LAMB1: variants seen among roughly 807,000 people sequenced by gnomAD.
LAMB1 encodes the protein laminin subunit beta 1.
LAMB1 carries 121 observed loss-of-function variants against 222.3 expected under a neutral mutation model. That is an observed-to-expected ratio of 0.54 (90% confidence interval 0.47 to 0.63). The LOEUF is 0.63. LAMB1 is among the 30% of genes least tolerant of loss of function. The probability of loss-of-function intolerance (pLI) is 0.00; values close to 1 mark genes in which losing one functional copy is unlikely to be tolerated. For synonymous variants in LAMB1, 794 were observed against 807.2 expected (o/e 0.98, Z 0.28); for missense variants, 2,172 against 2,240.8 (o/e 0.97, Z 0.62).
At chr7:107,976,367 C>A (rs2033854813) in intron 9 of LAMB1, among the ~76,000 whole-genome samples, 1 of 152,188 alleles carries the variant, frequency 6.6e-6, no homozygotes, top group Admixed American at 6.5e-5. Flanking sequence ...ATTCCCACCA[C>A]CACACCAGGC....
At position 107,935,357 on chromosome 7, in the gene LAMB1, T is replaced by TTG; in HGVS notation, c.4188+57_4188+58insCA. ...GGTTTGTTTTTCTTTGTTTTTTTTTTTTTTTTTTTTTTTTTTGCTTGGCAC... is the reference window on the plus strand; with the variant it reads ...GGTTTGTTTTTCTTTGTTTTTTTTTTTGTTTTTTTTTTTTTTTTGCTTGGCAC... On this transcript the variant is annotated intron_variant, in intron 27 of 33. Coordinates refer to ENST00000222399, the MANE Select transcript of LAMB1 (RefSeq NM_002291.3). 10 of 452,732 alleles carry TTG rather than the reference T, an allele frequency of 2.2e-5. No individual in the cohort carries two copies. The South Asian group carries it at 3.3e-4, about 15-fold the overall frequency. The allele number at this position is 452,732 out of a possible 1,614,324, so 28.0% of individuals were successfully genotyped here. A position where few individuals can be genotyped will look rare whatever the true frequency, so the allele number is the denominator to read the frequency against.
rs753518921 is a variant in LAMB1 at position 107,940,232 on chromosome 7, A to G, written c.3518T>C (p.Phe1173Ser). Residue 1173 changes from phenylalanine (F) to serine (S), a missense_variant, in exon 25 of 34, where the codon TTC (phenylalanine) becomes TCC (serine). Physicochemically the swap from Phe to Ser is radical, Grantham distance 155 (BLOSUM62 -2). Transcript: ENST00000222399. ...CTGGTGGCAGGGTGTGCAGTCAGGG[A>G]AGACCCCCGAGTACCCTCGCGTGCA... is the stretch of plus-strand genomic sequence containing the variant. ...DKCTRGYSGV[F>S]PDCTPCHQCF... The G allele has an allele frequency of 6.2e-7, 1 of 1,614,178 alleles. No individual in the cohort carries two copies. Among genetic ancestry groups the G allele is most frequent in the Non-Finnish European group, 8.5e-7 (1 of 1,180,034 alleles).
chr7:107,962,887 A>T lies in LAMB1; in HGVS notation c.1857+18T>A, dbSNP rs774942704. On this transcript the variant is annotated intron_variant, in intron 15 of 33. Coordinates refer to ENST00000222399, the MANE Select transcript of LAMB1 (RefSeq NM_002291.3). ...TCTCCCCTCCCTCCTCCACCAGTCC[A>T]CTAAGTGGTTTCTTTACCTGTGGCT... 3.1e-6 allele frequency: 5 copies of T among 1,606,908 alleles called. No homozygotes were observed. In the East Asian group the frequency reaches 1.1e-4, roughly 36 times the overall value.
At chr7:107,925,415 T>C (rs1341104165) in intron 32 of LAMB1, among the ~76,000 whole-genome samples, 1 of 152,102 alleles carries the variant, frequency 6.6e-6, no homozygotes, top group Non-Finnish European at 1.5e-5. Context: ...GCACTCCTTA[T>C]GGAATCTAAT....
At chr7:107,993,135 T>C (rs1005685055) in intron 5 of LAMB1, among the ~76,000 whole-genome samples, 2 of 152,188 alleles carry the variant, frequency 1.3e-5, no homozygotes, top group East Asian at 3.9e-4. Context: ...TGATAACTTG[T>C]ACCTATTCTT....
intron 5 of LAMB1, among the ~76,000 whole-genome samples, chr7:107,991,324 C>A (rs2034177282): frequency 6.6e-6 from 1 of 152,140 alleles, no homozygotes; most frequent in African/African-American, 2.4e-5. Context: ...TGGCTCATGC[C>A]TCTTTTGTAT....
intron 13 of LAMB1, 59 bp from the exon 14 acceptor site, chr7:107,964,746 G>A (rs1323542315): frequency 1.3e-6 from 2 of 1,596,592 alleles, no homozygotes; most frequent in Admixed American, 3.4e-5. Flanking sequence ...CAACCCGCCA[G>A]AAGCAGCTCT....
chr7:107,958,974 G>A (rs2033435236), intron 20 of LAMB1, among the ~76,000 whole-genome samples: 4 of 152,198 alleles, frequency 2.6e-5, no homozygotes, highest in Admixed American at 2.6e-4. Context: ...TTTCTATACA[G>A]CCCTATGGTA....
At chr7:107,939,111 A>G (rs1010817465) in intron 25 of LAMB1, among the ~76,000 whole-genome samples, 2 of 152,200 alleles carry the variant, frequency 1.3e-5, no homozygotes, top group Admixed American at 1.3e-4. Context: ...TCTGCAGTGA[A>G]AAAACCATAG....
At chr7:107,929,029 G>A (rs975424574) in intron 31 of LAMB1, 35 bp downstream of exon 31, 8 of 1,598,542 alleles carry the variant, frequency 5.0e-6, no homozygotes, top group Non-Finnish European at 6.9e-6. Flanking sequence ...ATATGTAGGT[G>A]TGTTCCCATT....
chr7:107,972,941 A>G (rs372232140), intron 13 of LAMB1, 51 bp downstream of exon 13: 1 of 1,421,110 alleles, frequency 7.0e-7, no homozygotes, highest in South Asian at 1.1e-5. Flanking sequence ...CCTGTAAGTC[A>G]TGACTTTCCT....
Position 107,975,753 on chromosome 7 carries a change from C to T in LAMB1, c.1125G>A (p.Glu375=). The T allele has an allele frequency of 2.5e-6, 4 of 1,613,980 alleles. No homozygotes were observed. Among genetic ancestry groups the T allele is most frequent in the Non-Finnish European group, 3.4e-6 (4 of 1,180,012 alleles). Residue 375 remains glutamate, a synonymous_variant, in exon 10 of 34, where the codon GAG becomes GAA. Coordinates refer to ENST00000222399, the MANE Select transcript of LAMB1 (RefSeq NM_002291.3). ...CQHNTMGRNC[E]QCKPFYYQHP... ...GCTGGTAGTAAAACGGCTTGCACTGCTCACAGTTGCGCCCCATGGTGTTGT... is the reference window on the plus strand; with the variant it reads ...GCTGGTAGTAAAACGGCTTGCACTGTTCACAGTTGCGCCCCATGGTGTTGT...
chr7:107,953,579 C>T lies in LAMB1; in HGVS notation c.3030G>A (p.Gln1010=). The change falls in exon 22 of 34, where the codon CAG becomes CAA. Residue 1010 remains glutamine, a synonymous_variant. Coordinates refer to ENST00000222399, the MANE Select transcript of LAMB1 (RefSeq NM_002291.3). ...CLYHTEGEHC[Q]FCRFGYYGDA... is the part of the protein sequence containing the mutation. ...CACCATAGTATCCAAACCGGCAGAA[C>T]TGACAGTGTTCCCCTTCCGTGTGGT... 1 of 1,614,198 alleles carries T rather than the reference C, an allele frequency of 6.2e-7. No homozygotes were observed. The highest frequency in any genetic ancestry group is 8.5e-7 in the Non-Finnish European group (1 of 1,180,036).
At chr7:107,973,956 A>G (rs2150437740) in intron 12 of LAMB1, among the ~76,000 whole-genome samples, 1 of 152,204 alleles carries the variant, frequency 6.6e-6, no homozygotes, top group East Asian at 1.9e-4. Flanking sequence ...TATTTTATTT[A>G]TGATTTTAAA....
At position 107,932,266 on chromosome 7, in the gene LAMB1, C is replaced by G. The variant is rs748559488; in HGVS notation, c.4300G>C (p.Val1434Leu). The change falls in exon 28 of 34, where the codon GTT becomes CTT. Residue 1434 changes from valine (V) to leucine (L), a missense_variant. Physicochemically the swap from Val to Leu is conservative, Grantham distance 32. Transcript: ENST00000222399. ...TGCCAGGCGTTGTGTGCAACAGTAA[C>G]CAGACCACCACAGCCAGGCCCCCCA... ...KCGGPGCGGLVTVAHNAWQKA... is the reference protein window; with the variant it reads ...KCGGPGCGGLLTVAHNAWQKA... 1 of 1,614,220 alleles carries G rather than the reference C, an allele frequency of 6.2e-7. No individual in the cohort carries two copies. The highest frequency in any genetic ancestry group is 8.5e-7 in the Non-Finnish European group (1 of 1,180,044).
chr7:107,943,873 G>A (rs192353845), intron 24 of LAMB1, among the ~76,000 whole-genome samples: 2 of 152,318 alleles, frequency 1.3e-5, no homozygotes, highest in African/African-American at 2.4e-5. Context: ...CCCTTCAAAA[G>A]GTGGAGCTGG....
At position 107,999,839 on chromosome 7, in the gene LAMB1, G is replaced by T. The variant is rs2034350328; in HGVS notation, c.214-1347C>A. ...CTCTTACTCTCCCAAAGGAAGAGAA[G>T]AACCAAGAAGCAATACCAAGAGCCA... On this transcript the variant is annotated intron_variant, in intron 3 of 33. Coordinates refer to ENST00000222399, the MANE Select transcript of LAMB1 (RefSeq NM_002291.3). 2.1e-5 allele frequency: 3 copies of T among 141,694 alleles called. No individual in the cohort carries two copies. The South Asian group carries it at 7.3e-4, about 34-fold the overall frequency. The allele number at this position is 141,694 out of a possible 1,614,324, so 8.8% of individuals were successfully genotyped here.
chr7:107,927,324 C>T (rs1000082733), intron 31 of LAMB1, among the ~76,000 whole-genome samples: 2 of 152,158 alleles, frequency 1.3e-5, no homozygotes, highest in African/African-American at 2.4e-5. Flanking sequence ...CTTATTGTTA[C>T]TAACCTAAAA....
chr7:107,953,854 G>A, intron 21 of LAMB1, 100 bp from the exon 22 acceptor site: 1 of 985,822 alleles, frequency 1.0e-6, no homozygotes, highest in South Asian at 1.4e-5. Flanking sequence ...TCGTGGCGGT[G>A]CTTCATCTTC....
Sources: allele counts gnomAD v4.1 joint callset (sites outside exome capture counted in the v4.1 genomes callset), GRCh38; gene constraint gnomAD v4.1.1; transcripts MANE v1.5; gene names NCBI Gene and HGNC (gene_info 2026-07-23, HGNC 2026-07-21).